PARP8: variants seen among roughly 807,000 people sequenced by gnomAD.
PARP8 encodes poly(ADP-ribose) polymerase family member 8.
In PARP8, 51 loss-of-function variants were observed where a neutral mutation model predicts 124.1. The ratio of observed to expected loss-of-function variants is 0.41; its 90% CI spans 0.33 to 0.52. The LOEUF (loss-of-function observed/expected upper bound fraction) is 0.52, where lower values mean the gene tolerates loss of function less well. PARP8 is among the 20% of genes least tolerant of loss of function. The pLI, the probability that PARP8 is intolerant of heterozygous loss-of-function variation, is 0.21. For missense variants in PARP8, 860 were observed against 1,018.9 expected, an observed-to-expected ratio of 0.84 and a Z score of 2.12; for synonymous variants, 391 against 361.5, an observed-to-expected ratio of 1.08 and a Z score of -0.93.
intron 14 of PARP8, among the ~76,000 whole-genome samples, chr5:50,814,271 A>T (rs1211266980): frequency 6.6e-6 from 1 of 152,174 alleles, no homozygotes; most frequent in African/African-American, 2.4e-5. Flanking sequence ...GGTAAAGCAT[A>T]TAAACATATA....
chr5:50,690,662 T>C (rs1398611754), intron 2 of PARP8, among the ~76,000 whole-genome samples: 2 of 152,298 alleles, frequency 1.3e-5, no homozygotes, highest in Non-Finnish European at 2.9e-5. Flanking sequence ...AAACTATGTC[T>C]AAAGATCTAT....
At chr5:50,740,410 T>C (rs1378809511) in intron 2 of PARP8, among the ~76,000 whole-genome samples, 1 of 152,150 alleles carries the variant, frequency 6.6e-6, no homozygotes, top group Non-Finnish European at 1.5e-5. Flanking sequence ...GAAAGGAGTC[T>C]TTTTTGTTGG....
intron 14 of PARP8, among the ~76,000 whole-genome samples, chr5:50,798,320 A>G (rs1374528864): frequency 6.6e-6 from 1 of 152,140 alleles, no homozygotes; most frequent in Non-Finnish European, 1.5e-5. Flanking sequence ...AATGTATGAC[A>G]GATACAGTCT....
chr5:50,701,015 A>G (rs1224495680), intron 2 of PARP8, among the ~76,000 whole-genome samples: 1 of 152,134 alleles, frequency 6.6e-6, no homozygotes. Context: ...TGGAAATTCC[A>G]TGGAGAATTT....
At chr5:50,807,673 G>A (rs1177410051) in intron 14 of PARP8, among the ~76,000 whole-genome samples, 1 of 152,014 alleles carries the variant, frequency 6.6e-6, no homozygotes, top group Non-Finnish European at 1.5e-5. Flanking sequence ...TGGTATAATG[G>A]TGTGAACTGC....
chr5:50,737,757 C>CAT (rs1326593880), intron 2 of PARP8, among the ~76,000 whole-genome samples: 1 of 152,162 alleles, frequency 6.6e-6, no homozygotes, highest in East Asian at 1.9e-4. Flanking sequence ...GTAATCATAA[C>CAT]TGTCTTGTTA....
chr5:50,692,379 C>G (rs1752584589), intron 2 of PARP8, among the ~76,000 whole-genome samples: 1 of 152,076 alleles, frequency 6.6e-6, no homozygotes, highest in Non-Finnish European at 1.5e-5. Context: ...AATTAAACAT[C>G]TCCTCTAGGA....
At position 50,713,127 on chromosome 5, in the gene PARP8, G is replaced by A. The variant is rs150528587; in HGVS notation, c.147-37024G>A. The stretch of plus-strand genomic sequence containing the variant: ...TATTTTCCCCATTTATAAAATGGCT[G>A]TGAGAGTCATCTATATGTTATAGAT... On this transcript the variant is annotated intron_variant, in intron 2 of 25. Transcript: ENST00000281631. Among the ~76,000 whole-genome samples the A allele has an allele frequency of 2.3e-3, 354 of 152,182 alleles. 1 individual carries two copies. The highest frequency in any genetic ancestry group is 6.6e-4 in the Non-Finnish European group (45 of 67,994).
At chr5:50,790,784 C>T (rs1441578404) in intron 10 of PARP8, among the ~76,000 whole-genome samples, 2 of 152,130 alleles carry the variant, frequency 1.3e-5, no homozygotes, top group African/African-American at 4.8e-5. Context: ...ATTAATATCC[C>T]TATCCGAGTG....
Position 50,788,504 on chromosome 5 carries a change from G to C in PARP8, c.671-19G>C, listed in dbSNP as rs1328928371. 3 of 1,609,840 alleles carry C rather than the reference G, an allele frequency of 1.9e-6. No homozygotes were observed. Among genetic ancestry groups the C allele is most frequent in the Admixed American group, 1.7e-5 (1 of 59,842 alleles). ...CAGTTTCAAGTCAATATGTGACTGTGATCCTTTTTCCTTTCCAGTGCCCAC... is the reference window on the plus strand; with the variant it reads ...CAGTTTCAAGTCAATATGTGACTGTCATCCTTTTTCCTTTCCAGTGCCCAC... On this transcript the variant is annotated intron_variant, in intron 9 of 25. Coordinates refer to ENST00000281631, the MANE Select transcript of PARP8 (RefSeq NM_024615.4).
chr5:50,733,324 C>G (rs138161335), intron 2 of PARP8, among the ~76,000 whole-genome samples: 1 of 151,760 alleles, frequency 6.6e-6, no homozygotes, highest in Non-Finnish European at 1.5e-5. Flanking sequence ...AATAAATGGG[C>G]GAAAAACTTG....
At position 50,846,437 on chromosome 5, in the gene PARP8, C is replaced by G. The variant is rs567254445; in HGVS notation, c.*4369C>G. ...TCTTGCTTTCTATTGCTACTAAAGC[C>G]TCTTTTATCCAGCTTTGTAATAGTT... On this transcript the variant is annotated 3_prime_UTR_variant, in exon 26 of 26. Coordinates refer to ENST00000281631, the MANE Select transcript of PARP8 (RefSeq NM_024615.4). 202 of 151,794 alleles carry G rather than the reference C, an allele frequency of 1.3e-3. 1 individual carries two copies. Among genetic ancestry groups the G allele is most frequent in the African/African-American group, 4.8e-3 (200 of 41,480 alleles). 9.4% of individuals were successfully genotyped at this position (151,794 alleles called of 1,614,324 possible). A position where few individuals can be genotyped will look rare whatever the true frequency, so the allele number is the denominator to read the frequency against.
At position 50,731,999 on chromosome 5, in the gene PARP8, G is replaced by A. The variant is rs567041272; in HGVS notation, c.147-18152G>A. The stretch of plus-strand genomic sequence containing the variant: ...TTTTAATGACACGGTTTCTTACTGA[G>A]GGTTTTGTGTAAAATATGCCCTCGA... On this transcript the variant is annotated intron_variant, in intron 2 of 25. Coordinates refer to ENST00000281631, the MANE Select transcript of PARP8 (RefSeq NM_024615.4). Among the ~76,000 whole-genome samples the A allele has an allele frequency of 3.3e-5, 5 of 152,174 alleles. No homozygotes were observed. In the South Asian group the frequency reaches 1.0e-3, roughly 32 times the overall value.
At chr5:50,751,181 G>T (rs552010137) in intron 3 of PARP8, among the ~76,000 whole-genome samples, 2 of 152,244 alleles carry the variant, frequency 1.3e-5, no homozygotes, top group East Asian at 1.9e-4. Flanking sequence ...TGTAGCACAG[G>T]ATGTATGGTA....
chr5:50,841,274 G>C (rs1379162786), intron 25 of PARP8, among the ~76,000 whole-genome samples: 1 of 151,774 alleles, frequency 6.6e-6, no homozygotes. Context: ...TATTGCCCAA[G>C]TAACTGTATT....
At chr5:50,687,902 A>T (rs1752047277) in intron 2 of PARP8, among the ~76,000 whole-genome samples, 1 of 152,190 alleles carries the variant, frequency 6.6e-6, no homozygotes, top group African/African-American at 2.4e-5. Context: ...AACCATATCA[A>T]GTACAATCTT....
In PARP8 at chr5:50,667,034, G is replaced by A; in HGVS notation, c.-62G>A. 1.3e-6 allele frequency: 2 copies of A among 1,595,244 alleles called. No homozygotes were observed. The highest frequency in any genetic ancestry group is 1.7e-6 in the Non-Finnish European group (2 of 1,179,156). ...AACTGAATATTTACGAAAGCTGGAA[G>A]CGTGCGAGGGGGGTGGGGTGGGGTG... On this transcript the variant is annotated 5_prime_UTR_variant, in exon 1 of 26. Transcript: ENST00000281631.
chr5:50,678,632 G>A (rs1468565881), intron 2 of PARP8, among the ~76,000 whole-genome samples: 2 of 152,006 alleles, frequency 1.3e-5, no homozygotes, highest in African/African-American at 2.4e-5. Flanking sequence ...ATAAACTATC[G>A]GATTAAACTG....
Position 50,666,908 on chromosome 5 carries a change from C to CTCT in PARP8, c.-186_-185insTTC. 1.5e-6 allele frequency: 2 copies of CTCT among 1,332,510 alleles called. No individual in the cohort carries two copies. The highest frequency in any genetic ancestry group is 1.9e-6 in the Non-Finnish European group (2 of 1,033,742). The allele number at this position is 1,332,510 out of a possible 1,614,324, so 82.5% of individuals were successfully genotyped here. The stretch of plus-strand genomic sequence containing the variant: ...GGAATGCAAAGCCGACCTCCCCCTC[C>CTCT]TCCTCCTCCTCCCCCTCCTCCTCCT... On this transcript the variant is annotated 5_prime_UTR_variant, in exon 1 of 26. Transcript: ENST00000281631.
Sources: allele counts gnomAD v4.1 joint callset (sites outside exome capture counted in the v4.1 genomes callset), GRCh38; gene constraint gnomAD v4.1.1; transcripts MANE v1.5; gene names NCBI Gene and HGNC (gene_info 2026-07-23, HGNC 2026-07-21).